The following CSPP1 variants were observed in gnomAD, a reference collection of about 807,000 sequenced individuals.
CSPP1 encodes the protein centrosome and spindle pole associated protein 1.
In CSPP1, 126 loss-of-function variants were observed where a neutral mutation model predicts 164.4. That is an observed-to-expected ratio of 0.77 (90% CI 0.66 to 0.89). CSPP1 has a LOEUF of 0.89. Ranked by LOEUF, CSPP1 falls within the 40% of genes least tolerant of loss-of-function variation. The pLI is 0.00. For missense variants in CSPP1, 1,395 were observed against 1,449.8 expected (o/e 0.96, Z 0.61); for synonymous variants, 472 against 476.7 (o/e 0.99, Z 0.13).
intron 25 of CSPP1, chr8:67,174,887 C>T (rs1325255591): frequency 6.3e-6 from 1 of 158,426 alleles, no homozygotes; most frequent in Non-Finnish European, 1.4e-5. Context: ...ATTATTTTTT[C>T]ACGTTTCCAG....
intron 1 of CSPP1, chr8:67,065,540 ATTTTC>A (rs1805365288): frequency 2.0e-6 from 2 of 980,134 alleles, no homozygotes; most frequent in Admixed American, 6.2e-5. Context: ...CTATTGAGGT[ATTTTC>A]TTTTCTCCAT....
intron 1 of CSPP1, chr8:67,064,889 G>A (rs1805209414): frequency 5.1e-6 from 1 of 197,618 alleles, no homozygotes; most frequent in Non-Finnish European, 1.1e-5. Flanking sequence ...AGGTTCCCTG[G>A]TTACACGGTC....
In CSPP1 at chr8:67,064,443, C is replaced by G; in HGVS notation, c.-106C>G. ...TGGCCGCTGTAACCTCTTCGGTCCG[C>G]GACGATCCTCTAGAGCACTGTGTGT... is the stretch of plus-strand genomic sequence containing the variant. On this transcript the variant is annotated 5_prime_UTR_variant, in exon 1 of 31. Coordinates refer to ENST00000678616, the MANE Select transcript of CSPP1 (RefSeq NM_001382391.1). 3 of 1,613,950 alleles carry G rather than the reference C, an allele frequency of 1.9e-6. No individual in the cohort carries two copies. The highest frequency in any genetic ancestry group is 1.1e-5 in the South Asian group (1 of 91,082).
chr8:67,149,020 G>A (rs1041887300), intron 17 of CSPP1, among the ~76,000 whole-genome samples: 2 of 152,084 alleles, frequency 1.3e-5, no homozygotes, highest in African/African-American at 4.8e-5. Context: ...TCATAATGTT[G>A]GAGTCCAAGA....
intron 10 of CSPP1, among the ~76,000 whole-genome samples, chr8:67,112,667 G>T (rs1245024638): frequency 6.6e-6 from 1 of 152,100 alleles, no homozygotes; most frequent in Non-Finnish European, 1.5e-5. Flanking sequence ...GTCTGACCTG[G>T]ATTGCAGCAA....
At chr8:67,070,722 A>AATATATAT (rs150664487) in intron 1 of CSPP1, among the ~76,000 whole-genome samples, 1 of 144,888 alleles carries the variant, frequency 6.9e-6, no homozygotes, top group Non-Finnish European at 1.5e-5. Context: ...TATATATGTA[A>AATATATAT]ATATATATAT....
At chr8:67,163,637 T>G in intron 22 of CSPP1, 95 bp from the exon 23 acceptor site, 1 of 866,464 alleles carries the variant, frequency 1.2e-6, no homozygotes, top group Admixed American at 2.6e-5. Flanking sequence ...GGAGTTTGGT[T>G]TCCTTTACAT....
chr8:67,118,289 C>T lies in CSPP1; in HGVS notation c.1538C>T (p.Ala513Val). The stretch of plus-strand genomic sequence containing the variant: ...CCACCTCCCCTACTACCACCTTTGG[C>T]TACTAACTATCGAACTCCTTATGAT... ...LPPPPLLPPL[A>V]TNYRTPYDDA... is the part of the protein sequence containing the mutation. Residue 513 changes from alanine (A) to valine (V), a missense_variant, in exon 14 of 31, where the codon GCT becomes GTT. Physicochemically the swap from Ala to Val is moderately conservative, Grantham distance 64. Transcript: ENST00000678616. 1 of 1,613,468 alleles carries T rather than the reference C, an allele frequency of 6.2e-7. No homozygotes were observed. Among genetic ancestry groups the T allele is most frequent in the Non-Finnish European group, 8.5e-7 (1 of 1,179,476 alleles).
intron 9 of CSPP1, among the ~76,000 whole-genome samples, chr8:67,107,614 C>T (rs927191812): frequency 6.6e-6 from 1 of 152,098 alleles, no homozygotes; most frequent in Admixed American, 6.5e-5. Flanking sequence ...TTGTACATAC[C>T]TATAGGAAAC....
intron 3 of CSPP1, among the ~76,000 whole-genome samples, 167 bp from the exon 4 acceptor site, chr8:67,085,840 T>G (rs1056203395): frequency 7.9e-5 from 12 of 152,224 alleles, no homozygotes; most frequent in Middle Eastern, 6.8e-3. Context: ...ATATTTTTGA[T>G]TATCTGAATG....
At chr8:67,185,658 T>C (rs1834362125) in intron 28 of CSPP1, among the ~76,000 whole-genome samples, 1 of 152,168 alleles carries the variant, frequency 6.6e-6, no homozygotes, top group Admixed American at 6.5e-5. Context: ...TCTTGAAGTA[T>C]ATCTGGAAAG....
At chr8:67,095,184 A>G (rs531401069) in intron 6 of CSPP1, 109 bp from the exon 7 acceptor site, 1 of 571,186 alleles carries the variant, frequency 1.8e-6, no homozygotes, top group South Asian at 3.4e-5. Context: ...GTGATTAAAT[A>G]AACATCAGAG....
chr8:67,154,757 C>G (rs980864739), intron 19 of CSPP1, among the ~76,000 whole-genome samples: 2 of 150,646 alleles, frequency 1.3e-5, no homozygotes, highest in Non-Finnish European at 3.0e-5. Context: ...TGCTTTGGTC[C>G]CCCGAAGTGC....
chr8:67,137,093 T>G (rs928084797), intron 16 of CSPP1, among the ~76,000 whole-genome samples: 17 of 152,090 alleles, frequency 1.1e-4, no homozygotes, highest in African/African-American at 4.1e-4. Context: ...GTGATTCTTG[T>G]GCCTCAGACA....
At chr8:67,178,888 T>G (rs1454649946) in intron 27 of CSPP1, among the ~76,000 whole-genome samples, 1 of 152,154 alleles carries the variant, frequency 6.6e-6, no homozygotes, top group African/African-American at 2.4e-5. Context: ...CCAAGGTCTT[T>G]AAGTGGAGGA....
rs1837817868 is a variant in CSPP1 at position 67,195,760 on chromosome 8, G to C, written c.*167G>C. 1.7e-6 allele frequency: 1 copy of C among 601,192 alleles called. No individual in the cohort carries two copies. The highest frequency in any genetic ancestry group is 3.0e-6 in the Non-Finnish European group (1 of 335,512). The allele number at this position is 601,192 out of a possible 1,614,324, so 37.2% of individuals were successfully genotyped here. A position where few individuals can be genotyped will look rare whatever the true frequency, so the allele number is the denominator to read the frequency against. On this transcript the variant is annotated 3_prime_UTR_variant, in exon 31 of 31. Coordinates refer to ENST00000678616, the MANE Select transcript of CSPP1 (RefSeq NM_001382391.1). ...TGTATATTATGTACATAAATAAAAG[G>C]CCATGATTATTGATTTATATAATAG...
chr8:67,189,027 G>A (rs1835466733), intron 28 of CSPP1, among the ~76,000 whole-genome samples: 1 of 152,106 alleles, frequency 6.6e-6, no homozygotes, highest in Non-Finnish European at 1.5e-5. Context: ...TAAGAACAAG[G>A]ACCCGCCTGG....
At chr8:67,159,488 A>T (rs972545575) in intron 21 of CSPP1, among the ~76,000 whole-genome samples, 8 of 116,652 alleles carry the variant, frequency 6.9e-5, no homozygotes, top group Admixed American at 3.7e-4. Flanking sequence ...AGAGTGGTTT[A>T]TATATATATA....
chr8:67,152,247 G>A (rs527833189), intron 18 of CSPP1, among the ~76,000 whole-genome samples: 2 of 152,076 alleles, frequency 1.3e-5, no homozygotes, highest in African/African-American at 2.4e-5. Flanking sequence ...TTGCATATAT[G>A]TAGCATTTGA....
Sources: gnomAD v4.1 joint callset for allele counts (sites outside exome capture counted in the v4.1 genomes callset) on GRCh38, gnomAD v4.1.1 for gene constraint, MANE v1.5 for transcripts, NCBI Gene and HGNC (gene_info 2026-07-23, HGNC 2026-07-21) for gene names.